Variants in LDB2 observed in about 807,000 individuals in gnomAD.
The protein encoded by LDB2 is LIM domain binding 2, also known as LIM domain-binding protein 2.
A neutral mutation model predicts 44.3 loss-of-function variants in LDB2; 12 were observed. The observed-to-expected ratio is 0.27, with a 90% CI of 0.17 to 0.44. LDB2 has a LOEUF of 0.44. Among genes scored for constraint, LDB2 ranks in the 20% least tolerant of loss-of-function variants. The pLI is 1.00. For missense variants in LDB2, 344 were observed against 473.5 expected (o/e 0.73, Z 2.54); for synonymous variants, 164 against 174.8 (o/e 0.94, Z 0.49).
At chr4:16,543,352 T>C (rs1344497141) in intron 5 of LDB2, among the ~76,000 whole-genome samples, 1 of 152,224 alleles carries the variant, frequency 6.6e-6, no homozygotes, top group Non-Finnish European at 1.5e-5. Context: ...TGCCACACTG[T>C]CTTCCACAAT....
At chr4:16,506,898 T>C (rs1719691239) in intron 7 of LDB2, 1 of 152,196 alleles carries the variant, frequency 6.6e-6, no homozygotes. Flanking sequence ...TCCTCTGAGA[T>C]GCACTTTTTC....
chr4:16,690,689 A>G (rs1750550033), intron 2 of LDB2, among the ~76,000 whole-genome samples: 2 of 152,160 alleles, frequency 1.3e-5, no homozygotes, highest in Non-Finnish European at 2.9e-5. Context: ...CCTCAGGCTC[A>G]ACAGAGCAAA....
chr4:16,796,871 G>A (rs530879803), intron 1 of LDB2, among the ~76,000 whole-genome samples: 1 of 152,208 alleles, frequency 6.6e-6, no homozygotes, highest in South Asian at 2.1e-4. Context: ...CAAAGGGAGG[G>A]ACATTCTGCC....
chr4:16,567,382 GTGCGCGTGTGTGCA>G (rs1292781371), intron 5 of LDB2, among the ~76,000 whole-genome samples: 4 of 59,180 alleles, frequency 6.8e-5, no homozygotes, highest in Non-Finnish European at 2.2e-4. Context: ...GTGTGTGTGT[GTGCGCGTGTGTGCA>G]TGCGTGTGTG....
intron 1 of LDB2, among the ~76,000 whole-genome samples, chr4:16,866,438 C>A (rs1259988464): frequency 6.6e-6 from 1 of 152,016 alleles, no homozygotes; most frequent in African/African-American, 2.4e-5. Context: ...CCAACCAAAT[C>A]AAATAAATAA....
intron 1 of LDB2, among the ~76,000 whole-genome samples, chr4:16,877,670 G>A (rs1177741456): frequency 6.6e-6 from 1 of 152,160 alleles, no homozygotes; most frequent in African/African-American, 2.4e-5. Context: ...GTAGAAAACA[G>A]GGTGTGTACA....
chr4:16,507,978 T>C (rs1325954075), intron 7 of LDB2, among the ~76,000 whole-genome samples: 2 of 152,092 alleles, frequency 1.3e-5, no homozygotes, highest in Non-Finnish European at 2.9e-5. Flanking sequence ...TTCGAGAGAG[T>C]TGAGACCAAA....
intron 5 of LDB2, among the ~76,000 whole-genome samples, chr4:16,583,725 T>C (rs1356831594): frequency 1.3e-5 from 2 of 152,200 alleles, no homozygotes; most frequent in African/African-American, 2.4e-5. Context: ...CGCTCAGCCA[T>C]GACCTGTCAA....
chr4:16,843,081 G>C (rs901119669), intron 1 of LDB2, among the ~76,000 whole-genome samples: 1 of 152,106 alleles, frequency 6.6e-6, no homozygotes, highest in African/African-American at 2.4e-5. Flanking sequence ...CAGCCTAATT[G>C]CAATCATTCA....
intron 5 of LDB2, among the ~76,000 whole-genome samples, chr4:16,530,378 G>C (rs1729733137): frequency 2.0e-5 from 3 of 152,124 alleles, no homozygotes; most frequent in Admixed American, 2.0e-4. Context: ...CTAGCTCTTG[G>C]AAAGTTCTTG....
intron 1 of LDB2, among the ~76,000 whole-genome samples, chr4:16,897,920 A>ATG (rs1725663511): frequency 5.7e-5 from 1 of 17,496 alleles, no homozygotes; most frequent in African/African-American, 3.8e-4. Context: ...ATATATATAT[A>ATG]TATATATATA....
chr4:16,785,462 T>C (rs184026664), intron 1 of LDB2, among the ~76,000 whole-genome samples: 10 of 152,274 alleles, frequency 6.6e-5, no homozygotes, highest in Admixed American at 5.2e-4. Context: ...ATCACTGTAA[T>C]GAGCAGTTGC....
chr4:16,742,277 G>A (rs374519823), intron 2 of LDB2, among the ~76,000 whole-genome samples: 5 of 151,874 alleles, frequency 3.3e-5, no homozygotes, highest in Non-Finnish European at 7.4e-5. Context: ...TCACCATGTT[G>A]GCCAGGATGG....
At chr4:16,779,905 A>G (rs1772788884) in intron 1 of LDB2, among the ~76,000 whole-genome samples, 1 of 152,228 alleles carries the variant, frequency 6.6e-6, no homozygotes. Flanking sequence ...CTTCTCCAAA[A>G]TGCAAGATCT....
At chr4:16,575,277 G>A (rs925354084) in intron 5 of LDB2, among the ~76,000 whole-genome samples, 1 of 152,112 alleles carries the variant, frequency 6.6e-6, no homozygotes, top group African/African-American at 2.4e-5. Flanking sequence ...TGGATAAAGA[G>A]GAAGAGAACA....
intron 1 of LDB2, among the ~76,000 whole-genome samples, chr4:16,771,012 CA>C (rs1770541916): frequency 6.6e-6 from 1 of 152,132 alleles, no homozygotes; most frequent in Admixed American, 6.5e-5. Context: ...AAATCAGGCA[CA>C]AATTTTCCAT....
At chr4:16,773,279 G>C (rs115454745) in intron 1 of LDB2, among the ~76,000 whole-genome samples, 3,208 of 152,238 alleles carry the variant, frequency 0.021, 113 homozygotes, top group African/African-American at 0.072. Flanking sequence ...CACTCTGGGG[G>C]ACGGTTTCAG....
intron 5 of LDB2, among the ~76,000 whole-genome samples, chr4:16,545,113 T>C (rs1735264251): frequency 6.6e-6 from 1 of 151,882 alleles, no homozygotes; most frequent in Non-Finnish European, 1.5e-5. Flanking sequence ...CCTGCTCTCC[T>C]TCCTCCCTCC....
At chr4:16,672,808 T>TTGCG (rs1165858384) in intron 2 of LDB2, among the ~76,000 whole-genome samples, 9 of 135,394 alleles carry the variant, frequency 6.6e-5, no homozygotes, top group Non-Finnish European at 1.4e-4. Context: ...GAAGAACTGC[T>TTGCG]TGCGTGCCTG....
Sources: allele counts gnomAD v4.1 joint callset (sites outside exome capture counted in the v4.1 genomes callset), GRCh38; gene constraint gnomAD v4.1.1; transcripts MANE v1.5; gene names NCBI Gene and HGNC (gene_info 2026-07-23, HGNC 2026-07-21).